NBAS: variants seen among roughly 807,000 people sequenced by gnomAD.
NBAS encodes NAG/BC035112 fusion.
In NBAS, 219 loss-of-function variants were observed where a neutral mutation model predicts 302.5. That is an observed-to-expected ratio of 0.72 (90% CI 0.65 to 0.81). NBAS has a LOEUF of 0.81. Among genes scored for constraint, NBAS ranks in the 30% least tolerant of loss-of-function variants. The pLI is 0.00. For synonymous variants in NBAS, 1,118 were observed against 1,021.6 expected (o/e 1.09, Z -1.80); for missense variants, 2,932 against 2,841.6 (o/e 1.03, Z -0.72).
At chr2:15,502,540 A>G (rs1479495630) in intron 11 of NBAS, among the ~76,000 whole-genome samples, 2 of 152,356 alleles carry the variant, frequency 1.3e-5, no homozygotes, top group East Asian at 1.9e-4. Context: ...ATGCTACTCT[A>G]CTGAATACTG....
intron 10 of NBAS, among the ~76,000 whole-genome samples, chr2:15,509,814 C>T (rs955367056): frequency 6.6e-6 from 1 of 151,894 alleles, no homozygotes; most frequent in Non-Finnish European, 1.5e-5. Context: ...CACTAGGTAA[C>T]ATGGTAAACC....
At chr2:15,271,505 A>AAT (rs1669322049) in intron 44 of NBAS, among the ~76,000 whole-genome samples, 1 of 152,170 alleles carries the variant, frequency 6.6e-6, no homozygotes, top group South Asian at 2.1e-4. Context: ...GGGAGTGGGT[A>AAT]AATACCTATC....
At chr2:15,422,857 A>G (rs1294761598) in intron 23 of NBAS, among the ~76,000 whole-genome samples, 2 of 152,228 alleles carry the variant, frequency 1.3e-5, no homozygotes, top group African/African-American at 2.4e-5. Flanking sequence ...AGCTTTATCT[A>G]TAAGTTCAAC....
chr2:15,078,944 G>T, the NBAS span, among the ~76,000 whole-genome samples: 1 of 152,078 alleles, frequency 6.6e-6, no homozygotes, highest in South Asian at 2.1e-4. Context: ...CATCACGTAA[G>T]GGGTAAAAAA....
chr2:15,444,077 C>T (rs1000333305), intron 21 of NBAS, among the ~76,000 whole-genome samples: 3 of 151,636 alleles, frequency 2.0e-5, no homozygotes, highest in Admixed American at 2.0e-4. Context: ...GGCCATACTG[C>T]CCAAGGTAAT....
intron 47 of NBAS, among the ~76,000 whole-genome samples, chr2:15,223,755 G>GTA: frequency 6.6e-6 from 1 of 151,680 alleles, no homozygotes; most frequent in East Asian, 1.9e-4. Flanking sequence ...CTTGAACTAG[G>GTA]GAGTCAGAGG....
At chr2:15,142,504 C>T in the NBAS span, among the ~76,000 whole-genome samples, 6 of 152,206 alleles carry the variant, frequency 3.9e-5, no homozygotes, top group African/African-American at 9.6e-5. Context: ...TGGTCGCCTC[C>T]GCAAGGCTGA....
chr2:14,866,679 T>C, the NBAS span, among the ~76,000 whole-genome samples: 1 of 152,124 alleles, frequency 6.6e-6, no homozygotes, highest in Non-Finnish European at 1.5e-5. Context: ...TAAAACATAA[T>C]GGTCAAATGA....
At position 15,475,808 on chromosome 2, in the gene NBAS, G is replaced by A; in HGVS notation, c.1220C>T (p.Ser407Phe). 6.2e-7 allele frequency: 1 copy of A among 1,614,046 alleles called. No homozygotes were observed. The highest frequency in any genetic ancestry group is 8.5e-7 in the Non-Finnish European group (1 of 1,179,976). The change falls in exon 14 of 52, where the codon TCT (serine) becomes TTT (phenylalanine). Residue 407 changes from serine (S) to phenylalanine (F), a missense_variant. By Grantham distance (155) the Ser-to-Phe change is radical. Coordinates refer to ENST00000281513, the MANE Select transcript of NBAS (RefSeq NM_015909.4). ...ADSAVTLARC[S>F]GALTVSSVKT... ...CACAGATGAAACAGTTAAAGCACCA[G>A]AGCATCGAGCTAAAGTCACTGCACT...
chr2:15,459,370 A>G (rs1679397752), intron 21 of NBAS, among the ~76,000 whole-genome samples: 1 of 152,234 alleles, frequency 6.6e-6, no homozygotes, highest in South Asian at 2.1e-4. Context: ...CTGCAAAGAG[A>G]TAGAGAACCA....
At chr2:15,458,941 AC>A (rs967955793) in intron 21 of NBAS, among the ~76,000 whole-genome samples, 6 of 152,194 alleles carry the variant, frequency 3.9e-5, no homozygotes, top group African/African-American at 1.4e-4. Context: ...ATATCCCCAA[AC>A]AATGATTCAA....
chr2:15,515,517 A>AAAAC (rs1385693935), intron 9 of NBAS, among the ~76,000 whole-genome samples: 4 of 152,200 alleles, frequency 2.6e-5, no homozygotes, highest in Non-Finnish European at 5.9e-5. Context: ...AGACTTTCTC[A>AAAAC]AAACAAACAA....
intron 25 of NBAS, among the ~76,000 whole-genome samples, chr2:15,403,358 G>T (rs752813672): frequency 3.9e-5 from 6 of 152,144 alleles, no homozygotes; most frequent in Non-Finnish European, 5.9e-5. Context: ...TTTCTTCAAG[G>T]TAGAGTTGGC....
At chr2:15,126,182 C>T in the NBAS span, among the ~76,000 whole-genome samples, 4 of 152,070 alleles carry the variant, frequency 2.6e-5, no homozygotes, top group Non-Finnish European at 5.9e-5. Context: ...GGCACCTCCC[C>T]TCTCTCTATT....
At chr2:14,896,917 G>T in the NBAS span, among the ~76,000 whole-genome samples, 34,237 of 151,886 alleles carry the variant, frequency 0.23, 3,949 homozygotes, top group Non-Finnish European at 0.25. Flanking sequence ...TAACCTGAAT[G>T]CAAAAGAAGA....
chr2:14,949,920 A>C, the NBAS span, among the ~76,000 whole-genome samples: 12 of 152,196 alleles, frequency 7.9e-5, no homozygotes, highest in Non-Finnish European at 1.3e-4. Flanking sequence ...AAGGAAGAGA[A>C]GTTGATTAAT....
the NBAS span, among the ~76,000 whole-genome samples, chr2:15,130,877 G>A: frequency 2.0e-5 from 3 of 152,162 alleles, no homozygotes; most frequent in Non-Finnish European, 4.4e-5. Flanking sequence ...ACAGTGGTAC[G>A]TGTCTCCATG....
chr2:14,972,669 G>A, the NBAS span, among the ~76,000 whole-genome samples: 12 of 152,336 alleles, frequency 7.9e-5, no homozygotes, highest in African/African-American at 2.6e-4. Context: ...GGAACCAGAT[G>A]TAAGTCCAGA....
intron 47 of NBAS, among the ~76,000 whole-genome samples, chr2:15,219,954 C>G (rs1431696143): frequency 3.6e-3 from 371 of 103,152 alleles, no homozygotes; most frequent in Admixed American, 4.5e-3. Flanking sequence ...GGGCAGAGGG[C>G]TCCTCACTTC....
Sources: allele counts gnomAD v4.1 joint callset (sites outside exome capture counted in the v4.1 genomes callset), GRCh38; gene constraint gnomAD v4.1.1; transcripts MANE v1.5; gene names NCBI Gene and HGNC (gene_info 2026-07-23, HGNC 2026-07-21).